The following CDH4 variants were observed in gnomAD, a reference collection of about 807,000 sequenced individuals.
The protein encoded by CDH4 is cadherin 4, also known as cadherin-4.
Under a neutral mutation model 86.0 loss-of-function variants are expected in CDH4, and 33 were observed. The observed-to-expected ratio is 0.38, with a 90% CI of 0.29 to 0.51. CDH4 has a LOEUF of 0.51. CDH4 is among the 20% of genes least tolerant of loss of function. CDH4 has a pLI of 0.86. For missense variants in CDH4, 1,114 were observed against 1,307.4 expected, an observed-to-expected ratio of 0.85 and a Z score of 2.28; for synonymous variants, 555 against 549.4, an observed-to-expected ratio of 1.01 and a Z score of -0.14.
Position 61,731,158 on chromosome 20 carries a change from C to G in CDH4, c.170-12405C>G, listed in dbSNP as rs898242763. Among the ~76,000 whole-genome samples the G allele has an allele frequency of 2.7e-5, 4 of 150,892 alleles. No homozygotes were observed. In the East Asian group the frequency reaches 7.8e-4, roughly 29 times the overall value. ...CTGCAGAGCATGAGGGCGTCCGAGT[C>G]CCCCCCTCAGCCCTCAGCCCTGCCC... is the stretch of plus-strand genomic sequence containing the variant. On this transcript the variant is annotated intron_variant, in intron 2 of 15. Transcript: ENST00000614565.
At chr20:61,443,549 G>T (rs1168123089) in intron 2 of CDH4, among the ~76,000 whole-genome samples, 1 of 152,186 alleles carries the variant, frequency 6.6e-6, no homozygotes, top group African/African-American at 2.4e-5. Context: ...TGATCACACA[G>T]CTGTCACGCC....
chr20:61,263,489 T>G (rs1170835975), intron 2 of CDH4, among the ~76,000 whole-genome samples: 2 of 152,174 alleles, frequency 1.3e-5, no homozygotes, highest in Non-Finnish European at 2.9e-5. Context: ...TGCCAATGTG[T>G]CTTCTCATTT....
At chr20:61,646,172 G>T (rs2087059178) in intron 2 of CDH4, among the ~76,000 whole-genome samples, 1 of 152,066 alleles carries the variant, frequency 6.6e-6, no homozygotes, top group Non-Finnish European at 1.5e-5. Context: ...TTCCCGCGGT[G>T]GGAAGTCAGC....
At position 61,692,348 on chromosome 20, in the gene CDH4, C is replaced by T. The variant is rs1046129997; in HGVS notation, c.170-51215C>T. On this transcript the variant is annotated intron_variant, in intron 2 of 15. Transcript: ENST00000614565. ...TATTTGTTTTCATCACCTATGTGCTCAACTTGAATCAAGGAATTTATCAGA... is the reference window on the plus strand; with the variant it reads ...TATTTGTTTTCATCACCTATGTGCTTAACTTGAATCAAGGAATTTATCAGA... 7.9e-5 allele frequency among the ~76,000 whole-genome samples: 12 copies of T among 152,142 alleles called. No homozygotes were observed. In the East Asian group the frequency reaches 2.3e-3, roughly 29 times the overall value.
intron 7 of CDH4, among the ~76,000 whole-genome samples, chr20:61,880,472 C>T (rs1014581069): frequency 1.1e-4 from 16 of 152,342 alleles, no homozygotes; most frequent in African/African-American, 3.6e-4. Context: ...ATCTCCCCTC[C>T]GCCCCCTCCC....
chr20:61,763,410 A>T (rs1539470), intron 3 of CDH4, among the ~76,000 whole-genome samples: 1 of 152,006 alleles, frequency 6.6e-6, no homozygotes. Flanking sequence ...ATTCAAGAGG[A>T]CTGCTCTGGC....
intron 2 of CDH4, among the ~76,000 whole-genome samples, chr20:61,661,193 C>T (rs1445830264): frequency 6.6e-6 from 1 of 151,742 alleles, no homozygotes; most frequent in African/African-American, 2.4e-5. Context: ...GCCAGAAGGG[C>T]CATGGCTGTC....
At chr20:61,445,645 T>C (rs553070457) in intron 2 of CDH4, among the ~76,000 whole-genome samples, 1 of 152,318 alleles carries the variant, frequency 6.6e-6, no homozygotes, top group Non-Finnish European at 1.5e-5. Flanking sequence ...CTTTTAGTTC[T>C]AGAGAAGCAA....
intron 2 of CDH4, among the ~76,000 whole-genome samples, chr20:61,733,704 A>T (rs1006388954): frequency 6.7e-6 from 1 of 148,226 alleles, no homozygotes; most frequent in African/African-American, 2.5e-5. Context: ...GAAGAAAGAA[A>T]GAATGAAAGA....
intron 2 of CDH4, among the ~76,000 whole-genome samples, chr20:61,366,986 A>G (rs1025492596): frequency 3.9e-5 from 6 of 152,198 alleles, no homozygotes; most frequent in Non-Finnish European, 8.8e-5. Context: ...TCCAGACACC[A>G]CACAGAACAC....
chr20:61,664,259 C>A (rs1294609800), intron 2 of CDH4, among the ~76,000 whole-genome samples: 1 of 152,238 alleles, frequency 6.6e-6, no homozygotes, highest in Non-Finnish European at 1.5e-5. Flanking sequence ...TGGAGCTGTG[C>A]TGTCACCTGC....
At chr20:61,323,206 C>T (rs1417469788) in intron 2 of CDH4, among the ~76,000 whole-genome samples, 1 of 152,162 alleles carries the variant, frequency 6.6e-6, no homozygotes, top group African/African-American at 2.4e-5. Flanking sequence ...GAGTGTGCAC[C>T]TAGAGGACTT....
intron 2 of CDH4, among the ~76,000 whole-genome samples, chr20:61,455,260 G>A (rs1446749335): frequency 1.3e-5 from 2 of 152,214 alleles, no homozygotes; most frequent in African/African-American, 4.8e-5. Context: ...TGTTCAATAT[G>A]TAAGCACTCC....
chr20:61,708,493 C>T lies in CDH4; in HGVS notation c.170-35070C>T, dbSNP rs1600897640. Among the ~76,000 whole-genome samples, 1 of 152,164 alleles carries T rather than the reference C, an allele frequency of 6.6e-6. No homozygotes were observed. Among genetic ancestry groups the T allele is most frequent in the Non-Finnish European group, 1.5e-5 (1 of 68,028 alleles). ...CTATGGAGAAACCCAATCCAGGCCC[C>T]GGGCTCCCAGTTTGACACCCGGCCA... is the stretch of plus-strand genomic sequence containing the variant. On this transcript the variant is annotated intron_variant, in intron 2 of 15. Coordinates refer to ENST00000614565, the MANE Select transcript of CDH4 (RefSeq NM_001794.5). The surrounding 1 kb of genome is among the most constrained non-coding windows in gnomAD (Gnocchi z 4.5).
At chr20:61,731,204 C>T (rs967441636) in intron 2 of CDH4, among the ~76,000 whole-genome samples, 1 of 152,092 alleles carries the variant, frequency 6.6e-6, no homozygotes, top group African/African-American at 2.4e-5. Context: ...TCAGGCCAAA[C>T]AGTCGTGCCG....
chr20:61,525,127 C>A (rs2085900873), intron 2 of CDH4, among the ~76,000 whole-genome samples: 1 of 152,172 alleles, frequency 6.6e-6, no homozygotes, highest in Non-Finnish European at 1.5e-5. Context: ...CCTTGCCAGG[C>A]ATGATTCCCG....
chr20:61,643,254 G>C (rs532339096), intron 2 of CDH4, among the ~76,000 whole-genome samples: 1 of 152,134 alleles, frequency 6.6e-6, no homozygotes, highest in Non-Finnish European at 1.5e-5. Flanking sequence ...GCCCACTTTC[G>C]TGGTAACGAC....
intron 2 of CDH4, among the ~76,000 whole-genome samples, chr20:61,661,541 T>C (rs2145832744): frequency 6.6e-6 from 1 of 151,932 alleles, no homozygotes; most frequent in Middle Eastern, 3.4e-3. Flanking sequence ...TCTTCTTTTT[T>C]AATAGCTGGA....
At chr20:61,682,858 G>A (rs1185715796) in intron 2 of CDH4, among the ~76,000 whole-genome samples, 1 of 151,808 alleles carries the variant, frequency 6.6e-6, no homozygotes, top group African/African-American at 2.4e-5. Context: ...CTTATTGTGG[G>A]GCAATCTACC....
Sources: gnomAD v4.1 joint callset for allele counts (sites outside exome capture counted in the v4.1 genomes callset) on GRCh38, gnomAD v4.1.1 for gene constraint, Gnocchi (gnomAD v3.1) non-coding constraint, MANE v1.5 for transcripts, NCBI Gene and HGNC (gene_info 2026-07-23, HGNC 2026-07-21) for gene names.